Variants in DAPK1 observed in about 807,000 individuals in gnomAD.
DAPK1 encodes the protein death-associated protein kinase 1.
DAPK1 carries 56 observed loss-of-function variants against 144.9 expected under a neutral mutation model. The ratio of observed to expected loss-of-function variants is 0.39; its 90% CI spans 0.31 to 0.48. DAPK1 has a LOEUF of 0.48. Ranked by LOEUF, DAPK1 falls within the 20% of genes least tolerant of loss-of-function variation. The pLI, the probability that DAPK1 is intolerant of heterozygous loss-of-function variation, is 0.95. For synonymous variants in DAPK1, 690 were observed against 749.0 expected (o/e 0.92, Z 1.29); for missense variants, 1,454 against 1,875.4 (o/e 0.78, Z 4.15).
At chr9:87,609,850 G>A (rs757053212) in intron 3 of DAPK1, among the ~76,000 whole-genome samples, 8 of 152,154 alleles carry the variant, frequency 5.3e-5, no homozygotes, top group Non-Finnish European at 8.8e-5. Context: ...ACGGCAAGTC[G>A]AACTTCCTCT....
intron 24 of DAPK1, among the ~76,000 whole-genome samples, chr9:87,702,580 G>A (rs1825491609): frequency 6.6e-6 from 1 of 152,182 alleles, no homozygotes; most frequent in South Asian, 2.1e-4. Context: ...AGGAGTTGGT[G>A]AACATTAGTT....
intron 21 of DAPK1, 26 bp from the exon 22 acceptor site, chr9:87,696,981 T>G: frequency 8.2e-7 from 1 of 1,226,770 alleles, no homozygotes; most frequent in Non-Finnish European, 1.2e-6. Flanking sequence ...TGTTTCACGA[T>G]TGTTATCATT....
rs7030530 is a variant in DAPK1 at position 87,643,902 on chromosome 9, A to G, written c.1011+434A>G. Among the ~76,000 whole-genome samples, 543 of 152,244 alleles carry G rather than the reference A, an allele frequency of 3.6e-3. 2 individuals are homozygous for G. Among genetic ancestry groups the G allele is most frequent in the African/African-American group, 0.013 (520 of 41,548 alleles). ...CACTGACATAGAAGAATCTTGGTTA[A>G]CAGTAGCACAGAAGGGGCAGACAGC... On this transcript the variant is annotated intron_variant, in intron 11 of 25. Transcript: ENST00000408954.
chr9:87,538,749 C>A (rs1587699405), intron 2 of DAPK1, among the ~76,000 whole-genome samples: 1 of 152,096 alleles, frequency 6.6e-6, no homozygotes. Flanking sequence ...ATCTGCTTGA[C>A]ATTAAATGTT....
intron 2 of DAPK1, among the ~76,000 whole-genome samples, chr9:87,541,064 A>G (rs1040420101): frequency 6.6e-6 from 1 of 152,242 alleles, no homozygotes; most frequent in African/African-American, 2.4e-5. Flanking sequence ...AAACAGTAAT[A>G]TTATTGATTC....
intron 2 of DAPK1, among the ~76,000 whole-genome samples, chr9:87,587,453 G>A (rs769721104): frequency 2.0e-5 from 3 of 152,182 alleles, no homozygotes; most frequent in Non-Finnish European, 4.4e-5. Flanking sequence ...ATGCAAGCTC[G>A]AATTAGAAAC....
intron 2 of DAPK1, among the ~76,000 whole-genome samples, chr9:87,508,860 C>T (rs1229548050): frequency 1.3e-5 from 2 of 152,144 alleles, no homozygotes; most frequent in Non-Finnish European, 2.9e-5. Flanking sequence ...AGGATAGGTA[C>T]ACCTAAAGCA....
chr9:87,553,101 T>TA (rs1194287662), intron 2 of DAPK1, among the ~76,000 whole-genome samples: 4 of 152,210 alleles, frequency 2.6e-5, no homozygotes, highest in African/African-American at 9.7e-5. Flanking sequence ...TCTCTGAATT[T>TA]AAATCTACTT....
chr9:87,637,870 C>G (rs1355189204), intron 3 of DAPK1, 73 bp from the exon 4 acceptor site: 3 of 1,521,208 alleles, frequency 2.0e-6, no homozygotes, highest in Non-Finnish European at 2.7e-6. Context: ...TTTGAGCGCA[C>G]CAATAGTCTA....
intron 2 of DAPK1, among the ~76,000 whole-genome samples, chr9:87,504,032 G>A (rs1440956862): frequency 6.6e-6 from 1 of 152,164 alleles, no homozygotes; most frequent in East Asian, 1.9e-4. Context: ...GCAGGAGTCA[G>A]TCCTATGAAT....
At position 87,632,919 on chromosome 9, in the gene DAPK1, T is replaced by TAA. The variant is rs1179916057; in HGVS notation, c.285-5023_285-5022insAA. ...AGGAGGATGAGTATATATATATATA[T>TAA]ATAAATGAAGGGTGATCAGTATATA... On this transcript the variant is annotated intron_variant, in intron 3 of 25. Coordinates refer to ENST00000408954, the MANE Select transcript of DAPK1 (RefSeq NM_004938.4). 6.4e-6 allele frequency: 6 copies of TAA among 931,596 alleles called. No homozygotes were observed. In the African/African-American group the frequency reaches 1.1e-4, roughly 17 times the overall value. 57.7% of individuals were successfully genotyped at this position (931,596 alleles called of 1,614,324 possible). A position where few individuals can be genotyped will look rare whatever the true frequency, so the allele number is the denominator to read the frequency against.
intron 3 of DAPK1, among the ~76,000 whole-genome samples, chr9:87,614,851 A>G (rs532985746): frequency 7.4e-4 from 112 of 152,274 alleles, no homozygotes; most frequent in South Asian, 1.9e-3. Flanking sequence ...TTTGGTGGTC[A>G]GGCTCCACTC....
At chr9:87,620,453 G>T (rs1829252835) in intron 3 of DAPK1, among the ~76,000 whole-genome samples, 2 of 152,174 alleles carry the variant, frequency 1.3e-5, no homozygotes, top group African/African-American at 4.8e-5. Context: ...ACATCCTTCG[G>T]ATCAGCTGTG....
chr9:87,704,492 T>A (rs941899394), intron 25 of DAPK1, among the ~76,000 whole-genome samples: 1 of 152,196 alleles, frequency 6.6e-6, no homozygotes, highest in Admixed American at 6.5e-5. Flanking sequence ...CCTCCAGACC[T>A]GCCTTCCGTA....
chr9:87,639,233 A>C (rs534226870), intron 4 of DAPK1, 121 bp from the exon 5 acceptor site: 271 of 909,636 alleles, frequency 3.0e-4, no homozygotes, highest in Non-Finnish European at 4.0e-4. Flanking sequence ...TTCTCTTCCA[A>C]CCACCCTTTC....
In DAPK1 at chr9:87,618,472, T is replaced by G. The variant is rs74818949; in HGVS notation, c.284+13297T>G. The stretch of plus-strand genomic sequence containing the variant: ...TGAAAATATATTTCCACATGAAAAC[T>G]TACACATGAAAGTGGTAGAAGTATT... On this transcript the variant is annotated intron_variant, in intron 3 of 25. Transcript: ENST00000408954. Among the ~76,000 whole-genome samples the G allele has an allele frequency of 4.5e-3, 678 of 152,154 alleles. 8 individuals are homozygous for G. Among genetic ancestry groups the G allele is most frequent in the African/African-American group, 0.015 (628 of 41,394 alleles).
At chr9:87,540,183 C>CTTTTTTTTTTTTTTTTTTTT (rs33925780) in intron 2 of DAPK1, among the ~76,000 whole-genome samples, 1 of 66,130 alleles carries the variant, frequency 1.5e-5, no homozygotes, top group Non-Finnish European at 2.8e-5. Flanking sequence ...TTGTTAATCT[C>CTTTTTTTTTTTTTTTTTTTT]TTTTTTTTTT....
intron 21 of DAPK1, among the ~76,000 whole-genome samples, chr9:87,693,812 C>T (rs991051757): frequency 6.6e-6 from 1 of 151,964 alleles, no homozygotes; most frequent in Non-Finnish European, 1.5e-5. Context: ...AGTGGCCATA[C>T]GATTTTTTTT....
At chr9:87,616,671 C>T (rs1271386849) in intron 3 of DAPK1, among the ~76,000 whole-genome samples, 2 of 152,112 alleles carry the variant, frequency 1.3e-5, no homozygotes, top group Non-Finnish European at 2.9e-5. Context: ...TGGGGAAGCA[C>T]CCTCTGAGAA....
Sources: gnomAD v4.1 joint callset for allele counts (sites outside exome capture counted in the v4.1 genomes callset) on GRCh38, gnomAD v4.1.1 for gene constraint, MANE v1.5 for transcripts, NCBI Gene and HGNC (gene_info 2026-07-23, HGNC 2026-07-21) for gene names.